The following KLF16 variants were observed in gnomAD, a reference collection of about 807,000 sequenced individuals.
KLF16 encodes Krueppel-like factor 16.
KLF16 carries 6 observed loss-of-function variants against 6.1 expected under a neutral mutation model. The observed-to-expected ratio is 0.98, with a 90% CI of 0.54 to 1.93. The LOEUF is 1.93. Among genes scored for constraint, KLF16 ranks in the 30% most tolerant of loss-of-function variants. The pLI, the probability that KLF16 is intolerant of heterozygous loss-of-function variation, is 0.01. For synonymous variants in KLF16, 211 were observed against 176.5 expected, an observed-to-expected ratio of 1.20 and a Z score of -1.55; for missense variants, 355 against 363.8, an observed-to-expected ratio of 0.98 and a Z score of 0.20.
chr19:1,854,859 G>A (rs1192585090), intron 1 of KLF16, 99 bp from the exon 2 acceptor site: 21 of 1,354,322 alleles, frequency 1.6e-5, no homozygotes, highest in South Asian at 2.5e-5. Context: ...CATTTGTCCC[G>A]TGCCGTTTTA....
rs1343453286 is a variant in KLF16 at position 1,857,506 on chromosome 19, G to T, written c.458-2746C>A. Among the ~76,000 whole-genome samples the T allele has an allele frequency of 6.6e-6, 1 of 152,180 alleles. No homozygotes were observed. The highest frequency in any genetic ancestry group is 1.5e-5 in the Non-Finnish European group (1 of 68,018). On this transcript the variant is annotated intron_variant, in intron 1 of 1. Transcript: ENST00000250916. This position sits in a 1 kb window ranked among gnomAD's most constrained non-coding sequence, Gnocchi z 4.7. Reference sequence around the variant, plus strand: ...GAGCTCAGGACAGCCTCGGAAACAGGCAGGCTCAGAAAAATGGAGTCCAGG... The same window carrying T: ...GAGCTCAGGACAGCCTCGGAAACAGTCAGGCTCAGAAAAATGGAGTCCAGG...
At chr19:1,873,615 T>C in the KLF16 span, among the ~76,000 whole-genome samples, 2 of 151,928 alleles carry the variant, frequency 1.3e-5, no homozygotes, top group East Asian at 3.9e-4. Flanking sequence ...CTTGAACAAG[T>C]GTGTCCTGGA....
At position 1,857,156 on chromosome 19, in the gene KLF16, G is replaced by A. The variant is rs1314828753; in HGVS notation, c.458-2396C>T. Among the ~76,000 whole-genome samples the A allele has an allele frequency of 1.3e-5, 2 of 152,172 alleles. No individual in the cohort carries two copies. Among genetic ancestry groups the A allele is most frequent in the East Asian group, 3.9e-4 (2 of 5,182 alleles). On this transcript the variant is annotated intron_variant, in intron 1 of 1. Transcript: ENST00000250916. The surrounding 1 kb of genome is among the most constrained non-coding windows in gnomAD (Gnocchi z 4.7). ...GCCCCGCCCCGCGCTTGGAGACTGA[G>A]GCGCGCACATGCGCACGTGGGTGGC...
chr19:1,875,375 T>C, the KLF16 span: 1 of 152,246 alleles, frequency 6.6e-6, no homozygotes, highest in African/African-American at 2.4e-5. Context: ...ACGTTAAGTA[T>C]AAGAGCCCCA....
At chr19:1,872,822 C>T in the KLF16 span, among the ~76,000 whole-genome samples, 1 of 150,994 alleles carries the variant, frequency 6.6e-6, no homozygotes, top group African/African-American at 2.4e-5. Context: ...TGAAGATCGA[C>T]GTGGCCCGTG....
rs1568730566 is a variant in KLF16, at chr19:1,853,336, C to T, written c.*1123G>A. On this transcript the variant is annotated 3_prime_UTR_variant, in exon 2 of 2. Transcript: ENST00000250916. ...ACCCCAGGAGGCTGCACAGCCAGCC[C>T]TCTGCTTCCAGTCCACGAGGCAAGA... 4 of 152,436 alleles carry T rather than the reference C, an allele frequency of 2.6e-5. No individual in the cohort carries two copies. The highest frequency in any genetic ancestry group is 2.0e-4 in the Admixed American group (3 of 15,288). The allele number at this position is 152,436 out of a possible 1,614,324, so 9.4% of individuals were successfully genotyped here. A position where few individuals can be genotyped will look rare whatever the true frequency, so the allele number is the denominator to read the frequency against.
Position 1,858,597 on chromosome 19 carries a change from G to A in KLF16, c.458-3837C>T, listed in dbSNP as rs554435986. ...TGGAAAAGGAGAATGCAGGCCTAGG[G>A]GATCAAGCTCTGGTTCCAACAAGAG... is the stretch of plus-strand genomic sequence containing the variant. On this transcript the variant is annotated intron_variant, in intron 1 of 1. Coordinates refer to ENST00000250916, the MANE Select transcript of KLF16 (RefSeq NM_031918.4). Among the ~76,000 whole-genome samples the A allele has an allele frequency of 1.8e-4, 28 of 152,214 alleles. 1 individual carries two copies. Among genetic ancestry groups the A allele is most frequent in the African/African-American group, 5.5e-4 (23 of 41,514 alleles).
the KLF16 span, among the ~76,000 whole-genome samples, chr19:1,870,853 A>C: frequency 6.6e-6 from 1 of 151,874 alleles, no homozygotes; most frequent in Non-Finnish European, 1.5e-5. Context: ...AAAATTAACC[A>C]GGCGTGGTGG....
upstream of KLF16, among the ~76,000 whole-genome samples, chr19:1,868,461 CTTTTTTTTTTTTTTTTT>C (rs762308559): frequency 6.4e-5 from 7 of 110,042 alleles, no homozygotes; most frequent in Non-Finnish European, 1.2e-4. Flanking sequence ...CAGATTAGGG[CTTTTTTTTTTTTTTTTT>C]TTTTTTTTTT....
chr19:1,855,094 C>A (rs1233184699), intron 1 of KLF16, among the ~76,000 whole-genome samples: 1 of 152,296 alleles, frequency 6.6e-6, no homozygotes, highest in South Asian at 2.1e-4. Flanking sequence ...TGGCCCCAGG[C>A]GGGACCCTGG....
intron 1 of KLF16, 30 bp downstream of exon 1, chr19:1,863,011 C>A: frequency 1.6e-6 from 2 of 1,262,056 alleles, no homozygotes; most frequent in Non-Finnish European, 1.0e-6. Flanking sequence ...CGGCCGCCCC[C>A]GCAAGGGCCG....
At chr19:1,866,563 G>A (rs1481765054), upstream of KLF16, among the ~76,000 whole-genome samples, 1 of 151,786 alleles carries the variant, frequency 6.6e-6, no homozygotes, top group Non-Finnish European at 1.5e-5. Context: ...GCAGTGAGCC[G>A]AGATCGTGCC....
At chr19:1,873,887 A>G in the KLF16 span, among the ~76,000 whole-genome samples, 2 of 152,228 alleles carry the variant, frequency 1.3e-5, no homozygotes, top group Non-Finnish European at 2.9e-5. Context: ...GAGGGAACAC[A>G]GTGTACGCTG....
intron 1 of KLF16, among the ~76,000 whole-genome samples, chr19:1,862,526 C>T (rs995901863): frequency 6.6e-6 from 1 of 152,114 alleles, no homozygotes; most frequent in Non-Finnish European, 1.5e-5. Flanking sequence ...CGGGCTCCCC[C>T]CATCCTGGCC....
intron 1 of KLF16, among the ~76,000 whole-genome samples, chr19:1,856,973 C>CA (rs2011965365): frequency 1.6e-5 from 2 of 124,804 alleles, no homozygotes; most frequent in Non-Finnish European, 3.1e-5. Context: ...GCGACCGGGG[C>CA]AGGGGCGCGC....
chr19:1,856,114 T>C (rs932359813), intron 1 of KLF16, among the ~76,000 whole-genome samples: 1 of 151,982 alleles, frequency 6.6e-6, no homozygotes, highest in Non-Finnish European at 1.5e-5. Flanking sequence ...CTCCCACCGG[T>C]CCATGAAGAA....
chr19:1,866,840 G>T (rs954565729), upstream of KLF16, among the ~76,000 whole-genome samples: 4 of 151,580 alleles, frequency 2.6e-5, no homozygotes, highest in African/African-American at 9.7e-5. Flanking sequence ...AAGACTGGGA[G>T]AGGACCGAGA....
In KLF16 at chr19:1,853,021, G is replaced by C. The variant is rs955988310; in HGVS notation, c.*1438C>G. On this transcript the variant is annotated 3_prime_UTR_variant, in exon 2 of 2. Transcript: ENST00000250916. Reference sequence around the variant, plus strand: ...AAACCTCCTGCAGCCAACAGTGGGGGGATCCACCTTTCTGGGTCTGACATG... The same window carrying C: ...AAACCTCCTGCAGCCAACAGTGGGGCGATCCACCTTTCTGGGTCTGACATG... 1 of 152,210 alleles carries C rather than the reference G, an allele frequency of 6.6e-6. No individual in the cohort carries two copies. Among genetic ancestry groups the C allele is most frequent in the Non-Finnish European group, 1.5e-5 (1 of 68,096 alleles). The allele number at this position is 152,210 out of a possible 1,614,324, so 9.4% of individuals were successfully genotyped here. A position where few individuals can be genotyped will look rare whatever the true frequency, so the allele number is the denominator to read the frequency against.
the KLF16 span, among the ~76,000 whole-genome samples, chr19:1,869,176 A>G: frequency 6.6e-6 from 1 of 152,290 alleles, no homozygotes; most frequent in East Asian, 1.9e-4. Flanking sequence ...AGCTGTACCC[A>G]TGTTAATCTC....
Sources: gnomAD v4.1 joint callset for allele counts (sites outside exome capture counted in the v4.1 genomes callset) on GRCh38, gnomAD v4.1.1 for gene constraint, Gnocchi (gnomAD v3.1) non-coding constraint, MANE v1.5 for transcripts, NCBI Gene and HGNC (gene_info 2026-07-23, HGNC 2026-07-21) for gene names.